NVL: variants seen among roughly 807,000 people sequenced by gnomAD.
The protein encoded by NVL is nuclear VCP like.
Under a neutral mutation model 110.2 loss-of-function variants are expected in NVL, and 84 were observed. That is an observed-to-expected ratio of 0.76 (90% CI 0.64 to 0.91). The LOEUF (loss-of-function observed/expected upper bound fraction) is 0.91. Among genes scored for constraint, NVL ranks in the 40% least tolerant of loss-of-function variants. The probability of loss-of-function intolerance (pLI) is 0.00; values close to 1 mark genes in which losing one functional copy is unlikely to be tolerated. For missense variants in NVL, 882 were observed against 1,035.9 expected (o/e 0.85, Z 2.04); for synonymous variants, 354 against 361.1 (o/e 0.98, Z 0.22).
At chr1:224,298,863 C>A (rs567888551) in intron 10 of NVL, among the ~76,000 whole-genome samples, 1 of 151,964 alleles carries the variant, frequency 6.6e-6, no homozygotes, top group South Asian at 2.1e-4. Flanking sequence ...GATAGTCCCT[C>A]TAAATCATCA....
At chr1:224,235,638 GA>G (rs971358757) in intron 20 of NVL, among the ~76,000 whole-genome samples, 4 of 148,184 alleles carry the variant, frequency 2.7e-5, no homozygotes, top group Admixed American at 6.8e-5. Flanking sequence ...ACATAATAGA[GA>G]AAAAAAAAGG....
intron 19 of NVL, among the ~76,000 whole-genome samples, chr1:224,244,660 T>A (rs920487889): frequency 6.8e-6 from 1 of 147,380 alleles, no homozygotes; most frequent in Non-Finnish European, 1.5e-5. Context: ...TTAGTAGAGA[T>A]GGGGTTTCGC....
intron 4 of NVL, among the ~76,000 whole-genome samples, chr1:224,317,093 G>A (rs1444763338): frequency 1.3e-5 from 2 of 151,018 alleles, no homozygotes; most frequent in African/African-American, 4.9e-5. Flanking sequence ...GAGCCGAGAT[G>A]GTGCCACTGC....
chr1:224,315,278 A>T (rs1669959476), intron 4 of NVL, among the ~76,000 whole-genome samples: 1 of 152,150 alleles, frequency 6.6e-6, no homozygotes, highest in Non-Finnish European at 1.5e-5. Context: ...TGCCAACAAT[A>T]CATTAAAAAG....
chr1:224,276,727 G>C (rs936793220), intron 16 of NVL, among the ~76,000 whole-genome samples: 1 of 151,996 alleles, frequency 6.6e-6, no homozygotes, highest in Non-Finnish European at 1.5e-5. Context: ...TCCCTTACTT[G>C]AACTGCTTTC....
chr1:224,308,110 CA>C lies in NVL; in HGVS notation c.495del (p.Ala166ProfsTer16). 1 of 1,613,494 alleles carries C rather than the reference CA, an allele frequency of 6.2e-7. No homozygotes were observed. The highest frequency in any genetic ancestry group is 1.3e-5 in the African/African-American group (1 of 75,012). On this transcript the variant is annotated frameshift_variant, in exon 6 of 23. Transcript: ENST00000281701. LOFTEE classifies it high-confidence loss of function. ...AACCATCCTCCTTCAGAATCTTTGG[CA>C]GGGGTCTTCAAGGGAATGGAGCCTG... ...SKTGSIPLKT[P>X]AKDSEGGWFI... is the part of the protein sequence containing the mutation.
intron 19 of NVL, among the ~76,000 whole-genome samples, chr1:224,238,032 C>T (rs1485711227): frequency 4.0e-5 from 6 of 150,116 alleles, no homozygotes; most frequent in African/African-American, 1.2e-4. Flanking sequence ...TTAAGCTTTT[C>T]TCTTTTCTTT....
At position 224,296,613 on chromosome 1, in the gene NVL, A is replaced by C. The variant is rs2102665922; in HGVS notation, c.1068T>G (p.Asn356Lys). The C allele has an allele frequency of 6.4e-7, 1 of 1,565,268 alleles. No homozygotes were observed. The highest frequency in any genetic ancestry group is 8.7e-7 in the Non-Finnish European group (1 of 1,148,708). The stretch of plus-strand genomic sequence containing the variant: ...CATCAATGAAAATGATACATGGTGC[A>C]TTTGACTAGAAATAAAAATATCACA... ...LRELFEQAVS[N>K]APCIIFIDEI... Residue 356 changes from asparagine (N) to lysine (K), a missense_variant, in exon 11 of 23, where the codon AAT becomes AAG. By Grantham distance (94) the Asn-to-Lys change is moderately conservative (BLOSUM62 0). This residue lies in a region of NVL where 416 missense variants were observed against 499.3 expected (regional missense o/e 0.83). Transcript: ENST00000281701.
At chr1:224,295,138 C>T (rs961611817) in intron 11 of NVL, among the ~76,000 whole-genome samples, 1 of 152,000 alleles carries the variant, frequency 6.6e-6, no homozygotes, top group Non-Finnish European at 1.5e-5. Flanking sequence ...TTTTCCCTCA[C>T]AGGTAACAAG....
At chr1:224,233,653 GGAGGCTT>G (rs1660151535) in intron 20 of NVL, among the ~76,000 whole-genome samples, 1 of 152,140 alleles carries the variant, frequency 6.6e-6, no homozygotes. Flanking sequence ...CAGGCACTGG[GGAGGCTT>G]AGGTGGGAGG....
chr1:224,287,304 T>C (rs1357334663), intron 14 of NVL, among the ~76,000 whole-genome samples: 2 of 152,048 alleles, frequency 1.3e-5, no homozygotes, highest in Non-Finnish European at 2.9e-5. Context: ...AGAAGTTGGT[T>C]AACGGGTAAA....
chr1:224,276,927 GTTTTATGA>G (rs1665820678), intron 16 of NVL, among the ~76,000 whole-genome samples: 1 of 6,626 alleles, frequency 1.5e-4, no homozygotes, highest in Non-Finnish European at 3.3e-4. Context: ...CATAAAACTA[GTTTTATGA>G]CACATAAAAC....
At chr1:224,302,255 T>G (rs1038330596) in intron 9 of NVL, among the ~76,000 whole-genome samples, 6 of 152,042 alleles carry the variant, frequency 3.9e-5, no homozygotes, top group Admixed American at 6.6e-5. Context: ...CAAGCTGGAG[T>G]GCAATGGCAT....
At chr1:224,277,025 G>T (rs1665843731) in intron 16 of NVL, among the ~76,000 whole-genome samples, 1 of 149,294 alleles carries the variant, frequency 6.7e-6, no homozygotes, top group African/African-American at 2.5e-5. Context: ...ACTATCATTT[G>T]ACCGAAACCA....
At chr1:224,257,233 A>C (rs1663379402) in intron 18 of NVL, 2 of 432,678 alleles carry the variant, frequency 4.6e-6, no homozygotes, top group African/African-American at 4.2e-5. Flanking sequence ...TGCCTGAAAA[A>C]GAACCCTCCT....
chr1:224,288,721 T>C (rs1667098264), intron 13 of NVL, among the ~76,000 whole-genome samples: 1 of 152,182 alleles, frequency 6.6e-6, no homozygotes, highest in Admixed American at 6.5e-5. Flanking sequence ...CACTTAAGCT[T>C]AGTGCCTTTG....
chr1:224,292,943 TG>T (rs1430148015), intron 12 of NVL, among the ~76,000 whole-genome samples: 4 of 151,950 alleles, frequency 2.6e-5, no homozygotes, highest in African/African-American at 4.8e-5. Flanking sequence ...TTAGTAGAGA[TG>T]GGGTTTCACC....
chr1:224,304,620 C>T, intron 8 of NVL, 116 bp downstream of exon 8: 1 of 868,952 alleles, frequency 1.2e-6, no homozygotes, highest in Non-Finnish European at 1.9e-6. Context: ...CCCTTCTCAA[C>T]CTTCCCAGTT....
At chr1:224,273,033 C>CAAAAAAAAAAAAAAA (rs1223008709) in intron 17 of NVL, among the ~76,000 whole-genome samples, 1 of 28,494 alleles carries the variant, frequency 3.5e-5, no homozygotes, top group Non-Finnish European at 6.8e-5. Context: ...GACTCCGTCT[C>CAAAAAAAAAAAAAAA]AAAAAAAAAC....
Sources: allele counts gnomAD v4.1 joint callset (sites outside exome capture counted in the v4.1 genomes callset), GRCh38; gene constraint gnomAD v4.1.1; regional missense constraint gnomAD v4.1.1; transcripts MANE v1.5; gene names NCBI Gene and HGNC (gene_info 2026-07-23, HGNC 2026-07-21).